The following MGA variants were observed in gnomAD, a reference collection of about 807,000 sequenced individuals.
MGA encodes MAX dimerization protein MGA, also known as MAX gene-associated protein.
Under a neutral mutation model 261.1 loss-of-function variants are expected in MGA, and 40 were observed. The ratio of observed to expected loss-of-function variants is 0.15; its 90% CI spans 0.12 to 0.20. MGA has a LOEUF of 0.20. Ranked by LOEUF, MGA falls within the 10% of genes least tolerant of loss-of-function variation. The pLI is 1.00. For missense variants in MGA, 3,397 were observed against 3,630.5 expected (o/e 0.94, Z 1.65); for synonymous variants, 1,302 against 1,290.6 (o/e 1.01, Z -0.19).
intron 2 of MGA, among the ~76,000 whole-genome samples, chr15:41,692,525 A>G (rs1364404212): frequency 6.6e-6 from 1 of 152,210 alleles, no homozygotes; most frequent in East Asian, 1.9e-4. Flanking sequence ...AGCAGTAGCT[A>G]TCTCCGGTCA....
intron 18 of MGA, 21 bp from the exon 19 acceptor site, chr15:41,757,766 GA>G: frequency 6.3e-7 from 1 of 1,596,380 alleles, no homozygotes; most frequent in Non-Finnish European, 8.6e-7. Context: ...GTAAGACACT[GA>G]AAAATCCTGT....
At chr15:41,630,478 T>G (rs570136684) in intron 1 of MGA, among the ~76,000 whole-genome samples, 87 of 152,324 alleles carry the variant, frequency 5.7e-4, no homozygotes, top group Non-Finnish European at 1.1e-3. Flanking sequence ...GAGTAAGTAA[T>G]TAAAAACTAA....
intron 1 of MGA, among the ~76,000 whole-genome samples, chr15:41,625,844 A>T (rs1386307370): frequency 6.6e-6 from 1 of 152,240 alleles, no homozygotes; most frequent in Non-Finnish European, 1.5e-5. Context: ...AAAGCAGATT[A>T]CAAAATTATG....
rs182484875 is a variant in MGA at position 41,634,979 on chromosome 15, A to C, written c.-68+13681A>C. Among the ~76,000 whole-genome samples the C allele has an allele frequency of 2.0e-5, 3 of 152,146 alleles. No individual in the cohort carries two copies. In the East Asian group the frequency reaches 5.8e-4, roughly 29 times the overall value. On this transcript the variant is annotated intron_variant, in intron 1 of 8. Transcript: ENST00000566718. ...AGAATAGTTTGAAGTAAGAACACTTAGGAGATTATTAGGATGACATAGTTC... is the reference window on the plus strand; with the variant it reads ...AGAATAGTTTGAAGTAAGAACACTTCGGAGATTATTAGGATGACATAGTTC...
chr15:41,623,564 G>GA (rs1313917928), intron 1 of MGA, among the ~76,000 whole-genome samples: 5 of 151,900 alleles, frequency 3.3e-5, no homozygotes, highest in Non-Finnish European at 7.4e-5. Context: ...GACCAACATG[G>GA]AAAAACCCCG....
chr15:41,741,690 T>C (rs1280727428), intron 14 of MGA, among the ~76,000 whole-genome samples: 1 of 152,140 alleles, frequency 6.6e-6, no homozygotes, highest in South Asian at 2.1e-4. Flanking sequence ...CAAAAGAATT[T>C]TAGTAGGAAC....
At chr15:41,633,517 AAAAT>A (rs1362850701) in intron 1 of MGA, among the ~76,000 whole-genome samples, 1 of 152,098 alleles carries the variant, frequency 6.6e-6, no homozygotes, top group Non-Finnish European at 1.5e-5. Flanking sequence ...GTTACAGAAA[AAAAT>A]AAAGCAGGGA....
intron 1 of MGA, among the ~76,000 whole-genome samples, chr15:41,630,572 T>G (rs544540296): frequency 6.6e-6 from 1 of 152,212 alleles, no homozygotes; most frequent in Non-Finnish European, 1.5e-5. Flanking sequence ...TTTAGTGATA[T>G]TCATTGTGGC....
chr15:41,659,542 G>A (rs2057287141), upstream of MGA, among the ~76,000 whole-genome samples: 1 of 152,182 alleles, frequency 6.6e-6, no homozygotes, highest in Non-Finnish European at 1.5e-5. Context: ...AAGAACAGCT[G>A]GTAAGGAGTA....
intron 13 of MGA, 57 bp from the exon 14 acceptor site, chr15:41,739,849 G>A: frequency 1.3e-6 from 2 of 1,540,886 alleles, no homozygotes; most frequent in Non-Finnish European, 1.8e-6. Flanking sequence ...TGTCAAGGGA[G>A]AGGAGTTAGC....
chr15:41,741,535 C>G (rs1222849882), intron 14 of MGA, among the ~76,000 whole-genome samples: 1 of 151,914 alleles, frequency 6.6e-6, no homozygotes, highest in Non-Finnish European at 1.5e-5. Context: ...AGTGCTCAGA[C>G]AGGAGGAAAT....
intron 1 of MGA, among the ~76,000 whole-genome samples, chr15:41,652,712 G>A (rs1188046766): frequency 6.6e-6 from 1 of 151,960 alleles, no homozygotes; most frequent in African/African-American, 2.4e-5. Flanking sequence ...ACCAACTACA[G>A]TTTTTCAATA....
intron 5 of MGA, among the ~76,000 whole-genome samples, chr15:41,702,109 T>G (rs4270151): frequency 1.3e-5 from 2 of 151,860 alleles, no homozygotes; most frequent in Non-Finnish European, 2.9e-5. Flanking sequence ...CACTTGAGGT[T>G]GGGAGTTCGA....
chr15:41,733,134 C>T (rs1452162442), intron 11 of MGA, among the ~76,000 whole-genome samples: 2 of 152,022 alleles, frequency 1.3e-5, no homozygotes, highest in African/African-American at 2.4e-5. Context: ...AATTTCTATG[C>T]TTTAGTTGAG....
intron 10 of MGA, among the ~76,000 whole-genome samples, chr15:41,728,349 A>C (rs1272497940): frequency 1.3e-5 from 2 of 151,890 alleles, no homozygotes; most frequent in Admixed American, 1.3e-4. Flanking sequence ...CAACAACAAA[A>C]CCTGAAAAAG....
intron 1 of MGA, among the ~76,000 whole-genome samples, chr15:41,626,765 T>A (rs897650055): frequency 1.3e-5 from 2 of 152,148 alleles, no homozygotes; most frequent in African/African-American, 4.8e-5. Flanking sequence ...ATAGAAAAAT[T>A]GCAGACTACA....
Position 41,736,357 on chromosome 15 carries a change from C to G in MGA, c.4093C>G (p.Gln1365Glu). ...CCAGCACATCAATAGCAACATGCCACAATCACTTAAGGTGGGCAGCTTCAT... is the reference window on the plus strand; with the variant it reads ...CCAGCACATCAATAGCAACATGCCAGAATCACTTAAGGTGGGCAGCTTCAT... Residue 1365 changes from glutamine (Q) to glutamate (E), a missense_variant, in exon 13 of 24, where the codon CAA (glutamine) becomes GAA (glutamate). This residue lies in a region of MGA where 1,410 missense variants were observed against 1,386.4 expected (regional missense o/e 1.02). Coordinates refer to ENST00000219905, the MANE Select transcript of MGA (RefSeq NM_001164273.2). 1 of 1,613,992 alleles carries G rather than the reference C, an allele frequency of 6.2e-7. No individual in the cohort carries two copies. Among genetic ancestry groups the G allele is most frequent in the South Asian group, 1.1e-5 (1 of 91,082 alleles).
At position 41,767,034 on chromosome 15, in the gene MGA, G is replaced by C; in HGVS notation, c.8952G>C (p.Arg2984Ser). The C allele has an allele frequency of 6.2e-7, 1 of 1,613,986 alleles. No homozygotes were observed. Among genetic ancestry groups the C allele is most frequent in the Non-Finnish European group, 8.5e-7 (1 of 1,179,892 alleles). The change falls in exon 24 of 24, where the codon AGG becomes AGC. Residue 2984 changes from arginine to serine, a missense_variant. By Grantham distance (110) the Arg-to-Ser change is moderately radical (BLOSUM62 -1). This residue lies in a region of MGA where 647 missense variants were observed against 642.4 expected (regional missense o/e 1.01). Coordinates refer to ENST00000219905, the MANE Select transcript of MGA (RefSeq NM_001164273.2). ...GCAACAGCACAGACACTTTGTGGAG[G>C]CCTATGCCAAAGTTGGCCCCTCTAG...
intron 5 of MGA, among the ~76,000 whole-genome samples, chr15:41,701,217 A>C (rs1424755419): frequency 6.6e-6 from 1 of 151,366 alleles, no homozygotes; most frequent in Non-Finnish European, 1.5e-5. Context: ...CCTATCTTTA[A>C]CTTAACCTGT....
Sources: gnomAD v4.1 joint callset for allele counts (sites outside exome capture counted in the v4.1 genomes callset) on GRCh38, gnomAD v4.1.1 for gene constraint, gnomAD v4.1.1 regional missense constraint, MANE v1.5 for transcripts, NCBI Gene and HGNC (gene_info 2026-07-23, HGNC 2026-07-21) for gene names.